Variants in USP8 observed in about 807,000 individuals in gnomAD.
USP8 encodes the protein ubiquitin specific peptidase 8, also known as ubiquitin carboxyl-terminal hydrolase 8.
In USP8, 27 loss-of-function variants were observed where a neutral mutation model predicts 130.0. The ratio of observed to expected loss-of-function variants is 0.21; its 90% CI spans 0.15 to 0.29. The LOEUF (loss-of-function observed/expected upper bound fraction) is 0.29, where lower values mean the gene tolerates loss of function less well. USP8 is among the 10% of genes least tolerant of loss of function. The probability of loss-of-function intolerance (pLI) is 1.00; values close to 1 mark genes in which losing one functional copy is unlikely to be tolerated. For synonymous variants in USP8, 392 were observed against 444.1 expected, an observed-to-expected ratio of 0.88 and a Z score of 1.48; for missense variants, 1,029 against 1,312.2, an observed-to-expected ratio of 0.78 and a Z score of 3.33.
chr15:50,441,589 C>A, intron 3 of USP8, 96 bp downstream of exon 3: 1 of 1,057,166 alleles, frequency 9.5e-7, no homozygotes, highest in Non-Finnish European at 1.3e-6. Context: ...TGAAATGTAG[C>A]TCAAATTATA....
intron 12 of USP8, among the ~76,000 whole-genome samples, chr15:50,487,200 GA>G (rs770301172): frequency 6.7e-6 from 1 of 150,062 alleles, no homozygotes; most frequent in African/African-American, 2.4e-5. Flanking sequence ...AATAAAAACA[GA>G]AAAAAACACG....
At chr15:50,494,329 A>C in intron 16 of USP8, 49 bp downstream of exon 16, 1 of 1,487,244 alleles carries the variant, frequency 6.7e-7, no homozygotes. Flanking sequence ...AGGGTTGCTC[A>C]GTAGCACTGT....
intron 18 of USP8, 155 bp from the exon 19 acceptor site, chr15:50,498,441 C>T: frequency 1.0e-6 from 1 of 975,808 alleles, no homozygotes; most frequent in East Asian, 2.8e-5. Context: ...GAAATGAAGC[C>T]AAATGTCTTT....
chr15:50,494,822 C>T (rs1013809230), intron 16 of USP8, among the ~76,000 whole-genome samples: 2 of 152,090 alleles, frequency 1.3e-5, no homozygotes, highest in Admixed American at 1.3e-4. Context: ...TGAGCCCAGC[C>T]TGGCCAACAT....
Position 50,509,851 on chromosome 15 carries a change from G to A in USP8, c.*10763G>A, listed in dbSNP as rs1374782038. 1.3e-5 allele frequency: 2 copies of A among 151,976 alleles called. No homozygotes were observed. Among genetic ancestry groups the A allele is most frequent in the Non-Finnish European group, 2.9e-5 (2 of 68,000 alleles). The allele number at this position is 151,976 out of a possible 1,614,324, so 9.4% of individuals were successfully genotyped here. ...CAAAATGACTGAAGAGAAATACATG[G>A]CTCACACCTATATTTTTTACAGAAA... On this transcript the variant is annotated 3_prime_UTR_variant, in exon 20 of 20. Transcript: ENST00000307179.
At position 50,489,827 on chromosome 15, in the gene USP8, A is replaced by G; in HGVS notation, c.1917A>G (p.Ala639=). 1 of 1,573,040 alleles carries G rather than the reference A, an allele frequency of 6.4e-7. No homozygotes were observed. Among genetic ancestry groups the G allele is most frequent in the Non-Finnish European group, 8.6e-7 (1 of 1,159,612 alleles). ...CTCAACGAGAACCTTTGACAAGAGC[A>G]CGAAGTGAAGAAATGGGGAGGATCG... ...NKAQREPLTR[A]RSEEMGRIVP... is the part of the protein sequence containing the mutation. Residue 639 remains alanine, a synonymous_variant, in exon 13 of 20, where the codon GCA becomes GCG. Transcript: ENST00000307179.
chr15:50,456,713 C>T (rs895835122), intron 4 of USP8, among the ~76,000 whole-genome samples: 6 of 151,950 alleles, frequency 3.9e-5, no homozygotes, highest in African/African-American at 1.2e-4. Context: ...TGGTGAGACC[C>T]CTTTTCTACT....
In USP8 at chr15:50,427,214, G is replaced by A. The variant is rs575057021; in HGVS notation, c.-66+2700G>A. On this transcript the variant is annotated intron_variant, in intron 1 of 19. Transcript: ENST00000307179. ...ACCTCCGAAAGTGCTGGAATTACAG[G>A]CGTGAGCCACCGCGCCTGACCCATT... Among the ~76,000 whole-genome samples the A allele has an allele frequency of 7.2e-5, 11 of 152,224 alleles. 1 individual carries two copies. The highest frequency in any genetic ancestry group is 2.6e-4 in the African/African-American group (11 of 41,540).
chr15:50,426,121 C>CAAAAAAT lies in USP8; in HGVS notation c.-66+1620_-66+1626dup, dbSNP rs1021813937. 2.0e-5 allele frequency among the ~76,000 whole-genome samples: 3 copies of CAAAAAAT among 151,782 alleles called. No individual in the cohort carries two copies. In the South Asian group the frequency reaches 6.2e-4, roughly 31 times the overall value. ...GGGTGACAAGAGCAAAACTCCGTCT[C>CAAAAAAT]AAAAAATAAAAAATAAAAAGCGTGG... On this transcript the variant is annotated intron_variant, in intron 1 of 19. Coordinates refer to ENST00000307179, the MANE Select transcript of USP8 (RefSeq NM_005154.5).
intron 1 of USP8, among the ~76,000 whole-genome samples, chr15:50,424,893 A>T (rs2049656064): frequency 6.8e-6 from 1 of 147,750 alleles, no homozygotes; most frequent in Non-Finnish European, 1.5e-5. Flanking sequence ...ACTGTTTCCC[A>T]GTTTCTCTTC....
At chr15:50,495,816 T>C (rs772398754) in intron 16 of USP8, 32 bp from the exon 17 acceptor site, 6 of 1,526,022 alleles carry the variant, frequency 3.9e-6, no homozygotes, top group South Asian at 2.3e-5. Flanking sequence ...CTTTGAGATA[T>C]TAATATAGAG....
At chr15:50,428,268 C>T (rs1478631652) in intron 1 of USP8, among the ~76,000 whole-genome samples, 4 of 152,234 alleles carry the variant, frequency 2.6e-5, no homozygotes, top group African/African-American at 4.8e-5. Flanking sequence ...AGGCATATGC[C>T]GCCACGCCCA....
chr15:50,443,335 C>T (rs977104092), intron 3 of USP8, among the ~76,000 whole-genome samples: 2 of 151,932 alleles, frequency 1.3e-5, no homozygotes, highest in African/African-American at 4.8e-5. Flanking sequence ...CTGTGAGCCA[C>T]TGTGCCTGGC....
intron 12 of USP8, among the ~76,000 whole-genome samples, chr15:50,487,289 C>G (rs1426930075): frequency 6.6e-6 from 1 of 151,842 alleles, no homozygotes; most frequent in Non-Finnish European, 1.5e-5. Context: ...AGAACTTAAG[C>G]CTTAGTCAAA....
At chr15:50,441,848 G>A (rs553082651) in intron 3 of USP8, among the ~76,000 whole-genome samples, 15 of 151,206 alleles carry the variant, frequency 9.9e-5, no homozygotes, top group East Asian at 3.9e-4. Context: ...CTTTTATTGC[G>A]CTTTCTTAAG....
chr15:50,424,513 C>T lies in USP8; in HGVS notation c.-67C>T, dbSNP rs1295952892. 1 of 398,704 alleles carries T rather than the reference C, an allele frequency of 2.5e-6. No individual in the cohort carries two copies. Among genetic ancestry groups the T allele is most frequent in the Non-Finnish European group, 4.4e-6 (1 of 226,100 alleles). 24.7% of individuals were successfully genotyped at this position (398,704 alleles called of 1,614,324 possible). On this transcript the variant is annotated splice_region_variant and 5_prime_UTR_variant, in exon 1 of 20. It adds an upstream start codon to the 5' untranslated region. Transcript: ENST00000307179. ...CGTTAGTGAAGCGCGCCCGGCGTCA[C>T]GGTGAGTGCGGGTCTTGGGCCCTAG...
chr15:50,429,024 A>T (rs1440093660), intron 1 of USP8, among the ~76,000 whole-genome samples: 1 of 152,232 alleles, frequency 6.6e-6, no homozygotes, highest in Non-Finnish European at 1.5e-5. Flanking sequence ...GGGATGATTC[A>T]TGTCACAGAC....
At chr15:50,470,492 C>G (rs1328505544) in intron 7 of USP8, among the ~76,000 whole-genome samples, 3 of 151,862 alleles carry the variant, frequency 2.0e-5, no homozygotes, top group Non-Finnish European at 4.4e-5. Flanking sequence ...CTGGATGAAC[C>G]AGGAATAACA....
intron 4 of USP8, among the ~76,000 whole-genome samples, chr15:50,456,765 A>T (rs1219240294): frequency 6.6e-6 from 1 of 152,148 alleles, no homozygotes; most frequent in African/African-American, 2.4e-5. Flanking sequence ...ATGCGCCTGT[A>T]ATCCCAGCTA....
Sources: gnomAD v4.1 joint callset for allele counts (sites outside exome capture counted in the v4.1 genomes callset) on GRCh38, gnomAD v4.1.1 for gene constraint, MANE v1.5 for transcripts, NCBI Gene and HGNC (gene_info 2026-07-23, HGNC 2026-07-21) for gene names.